FOCAD: variants seen among roughly 807,000 people sequenced by gnomAD.
The protein encoded by FOCAD is KIAA1797.
A neutral mutation model predicts 225.6 loss-of-function variants in FOCAD; 198 were observed. The observed-to-expected ratio is 0.88, with a 90% CI of 0.78 to 0.99. The LOEUF (loss-of-function observed/expected upper bound fraction) is 0.99, where lower values mean the gene tolerates loss of function less well. Among genes scored for constraint, FOCAD ranks in the 50% least tolerant of loss-of-function variants. FOCAD has a pLI of 0.00. For synonymous variants in FOCAD, 897 were observed against 755.0 expected, an observed-to-expected ratio of 1.19 and a Z score of -3.08; for missense variants, 2,713 against 2,123.6, an observed-to-expected ratio of 1.28 and a Z score of -5.46.
At chr9:20,939,732 A>T in intron 28 of FOCAD, among the ~76,000 whole-genome samples, 15 of 136,470 alleles carry the variant, frequency 1.1e-4, no homozygotes, top group East Asian at 2.1e-4. Flanking sequence ...TTATTTTTTA[A>T]ATTTATTTTA....
chr9:20,970,166 G>A (rs1159279949), intron 35 of FOCAD, among the ~76,000 whole-genome samples: 1 of 152,032 alleles, frequency 6.6e-6, no homozygotes, highest in East Asian at 1.9e-4. Context: ...GCTACAGTAC[G>A]TCTTAGTGTG....
rs577068696 is a variant in FOCAD at position 20,827,899 on chromosome 9, G to A, written c.1920+4784G>A. Among the ~76,000 whole-genome samples, 8 of 152,038 alleles carry A rather than the reference G, an allele frequency of 5.3e-5. No homozygotes were observed. In the East Asian group the frequency reaches 1.4e-3, roughly 26 times the overall value. ...TTAAATAAGTAGATTTTGGCTGGGC[G>A]TGTTGGTTCACACCTGTAATCCCAG... On this transcript the variant is annotated intron_variant, in intron 15 of 43. Coordinates refer to ENST00000338382, the MANE Select transcript of FOCAD (RefSeq NM_001375567.1).
intron 15 of FOCAD, among the ~76,000 whole-genome samples, chr9:20,848,105 A>G (rs946489116): frequency 2.6e-5 from 4 of 152,062 alleles, no homozygotes; most frequent in African/African-American, 9.7e-5. Flanking sequence ...GTGCATACAA[A>G]TTTATTTGAT....
chr9:20,778,068 C>G (rs1818959982), intron 8 of FOCAD, among the ~76,000 whole-genome samples: 1 of 112,762 alleles, frequency 8.9e-6, no homozygotes, highest in Non-Finnish European at 1.7e-5. Flanking sequence ...CCCGCCTGGG[C>G]GACAGAACGA....
At chr9:20,924,655 G>A (rs1834773896) in intron 25 of FOCAD, among the ~76,000 whole-genome samples, 1 of 151,914 alleles carries the variant, frequency 6.6e-6, no homozygotes, top group South Asian at 2.1e-4. Flanking sequence ...GTTGTTGTGG[G>A]TTTTTTGGTG....
chr9:20,688,768 A>C (rs1193046261), intron 1 of FOCAD, among the ~76,000 whole-genome samples: 1 of 152,158 alleles, frequency 6.6e-6, no homozygotes, highest in Non-Finnish European at 1.5e-5. Context: ...ACAAGAAGAG[A>C]CTGGTCAGAT....
At chr9:20,668,556 G>A (rs1821962783) in intron 2 of FOCAD, among the ~76,000 whole-genome samples, 1 of 152,174 alleles carries the variant, frequency 6.6e-6, no homozygotes. Context: ...AGGAAAAGAA[G>A]AGAAATTAGG....
intron 35 of FOCAD, among the ~76,000 whole-genome samples, chr9:20,959,667 T>G (rs1053725061): frequency 8.5e-5 from 13 of 152,170 alleles, no homozygotes; most frequent in Non-Finnish European, 1.5e-5. Flanking sequence ...TCATTTTGTG[T>G]CTTACATTTA....
intron 5 of FOCAD, among the ~76,000 whole-genome samples, chr9:20,753,420 T>C (rs1381977687): frequency 1.4e-4 from 21 of 152,054 alleles, no homozygotes; most frequent in Admixed American, 5.9e-4. Context: ...GAGATAATCA[T>C]GTGGTTTTTG....
At chr9:20,871,065 T>C (rs1829719580) in intron 18 of FOCAD, among the ~76,000 whole-genome samples, 1 of 150,878 alleles carries the variant, frequency 6.6e-6, no homozygotes, top group African/African-American at 2.4e-5. Context: ...TAGCCGGGAG[T>C]GGTGGTGCGG....
At chr9:20,814,613 C>T (rs1823461169) in intron 11 of FOCAD, among the ~76,000 whole-genome samples, 1 of 152,044 alleles carries the variant, frequency 6.6e-6, no homozygotes, top group African/African-American at 2.4e-5. Flanking sequence ...CACCTTCAGC[C>T]TCCCAGAGTA....
At chr9:20,656,736 G>A (rs948642447), upstream of FOCAD, among the ~76,000 whole-genome samples, 1 of 152,032 alleles carries the variant, frequency 6.6e-6, no homozygotes, top group African/African-American at 2.4e-5. Context: ...TATCCAATTT[G>A]CCAGTCTGTG....
At chr9:20,834,905 TG>T (rs1825852344) in intron 15 of FOCAD, among the ~76,000 whole-genome samples, 1 of 152,138 alleles carries the variant, frequency 6.6e-6, no homozygotes, top group South Asian at 2.1e-4. Flanking sequence ...TTATTGATAA[TG>T]TTTTAAAAAT....
intron 1 of FOCAD, among the ~76,000 whole-genome samples, chr9:20,706,908 C>T (rs756944827): frequency 9.2e-5 from 14 of 152,168 alleles, no homozygotes; most frequent in African/African-American, 2.7e-4. Context: ...TCTTCATGTG[C>T]GTGGTTGTGT....
chr9:20,743,885 T>C (rs1008026584), intron 5 of FOCAD, among the ~76,000 whole-genome samples: 1 of 152,164 alleles, frequency 6.6e-6, no homozygotes, highest in Non-Finnish European at 1.5e-5. Context: ...CTTGGGTGGC[T>C]TACCTATGCC....
Position 20,885,321 on chromosome 9 carries a change from A to T in FOCAD, c.2625+91A>T, listed in dbSNP as rs946526257. The T allele has an allele frequency of 2.4e-6, 3 of 1,251,766 alleles. No individual in the cohort carries two copies. The African/African-American group carries it at 4.6e-5, about 19-fold the overall frequency. The allele number at this position is 1,251,766 out of a possible 1,614,324, so 77.5% of individuals were successfully genotyped here. On this transcript the variant is annotated intron_variant, in intron 21 of 43. Coordinates refer to ENST00000338382, the MANE Select transcript of FOCAD (RefSeq NM_001375567.1). ...TGTTTGTTTAGAAATAATTTTTTTG[A>T]TCATAATTAATGTAAGTTGCTTTTA... is the stretch of plus-strand genomic sequence containing the variant.
At chr9:20,785,252 T>C (rs1172439176) in intron 10 of FOCAD, among the ~76,000 whole-genome samples, 2 of 152,318 alleles carry the variant, frequency 1.3e-5, no homozygotes, top group African/African-American at 2.4e-5. Flanking sequence ...GTAATTCACA[T>C]GCGCCCTTCC....
rs1468553279 is a variant in FOCAD, at chr9:20,944,574, C to T, written c.3408-53C>T. ...GTAAACACCCGTGGTAAGTGAAGAG[C>T]AATTGTGTGGATTTCTTATGATCCT... is the stretch of plus-strand genomic sequence containing the variant. On this transcript the variant is annotated intron_variant, in intron 28 of 43. Transcript: ENST00000338382. 12 of 1,576,844 alleles carry T rather than the reference C, an allele frequency of 7.6e-6. No individual in the cohort carries two copies. The East Asian group carries it at 2.7e-4, about 36-fold the overall frequency.
upstream of FOCAD, among the ~76,000 whole-genome samples, chr9:20,656,006 C>G (rs1821470417): frequency 2.0e-5 from 3 of 152,090 alleles, no homozygotes; most frequent in South Asian, 6.2e-4. Context: ...CAAAGAACAT[C>G]TTTATTTCTG....
Sources: allele counts gnomAD v4.1 joint callset (sites outside exome capture counted in the v4.1 genomes callset), GRCh38; gene constraint gnomAD v4.1.1; transcripts MANE v1.5; gene names NCBI Gene and HGNC (gene_info 2026-07-23, HGNC 2026-07-21).